The following MYO16 variants were observed in gnomAD, a reference collection of about 807,000 sequenced individuals.
MYO16 encodes unconventional myosin-XVI.
MYO16 carries 94 observed loss-of-function variants against 205.3 expected under a neutral mutation model. The observed-to-expected ratio is 0.46, with a 90% confidence interval of 0.39 to 0.54. The LOEUF is 0.54. MYO16 is among the 20% of genes least tolerant of loss of function. MYO16 has a pLI of 0.00. For synonymous variants in MYO16, 988 were observed against 954.0 expected (o/e 1.04, Z -0.66); for missense variants, 2,315 against 2,387.5 (o/e 0.97, Z 0.63).
At chr13:108,750,191 A>G (rs1317993192) in intron 4 of MYO16, among the ~76,000 whole-genome samples, 2 of 152,250 alleles carry the variant, frequency 1.3e-5, no homozygotes, top group Non-Finnish European at 2.9e-5. Flanking sequence ...CAGCGGATAC[A>G]TGACACCCTG....
chr13:108,500,228 TTTTGTTTTTTTTG>T, the MYO16 span, among the ~76,000 whole-genome samples: 3,882 of 9,838 alleles, frequency 0.39, 1,373 homozygotes, highest in Non-Finnish European at 0.56. Flanking sequence ...TTTGTTTTTT[TTTTGTTTTTTTTG>T]TTTTTTTTTT....
chr13:108,662,884 C>A (rs765173207), intron 1 of MYO16, among the ~76,000 whole-genome samples: 15 of 152,104 alleles, frequency 9.9e-5, no homozygotes, highest in Non-Finnish European at 1.9e-4. Context: ...TGGTGCCAGG[C>A]AGGAATGGGC....
chr13:109,203,548 G>A (rs1299181947), intron 34 of MYO16, among the ~76,000 whole-genome samples: 1 of 151,898 alleles, frequency 6.6e-6, no homozygotes, highest in Non-Finnish European at 1.5e-5. Context: ...TGGAGAACCA[G>A]TCTACCCCTG....
chr13:108,598,374 T>G (rs752010392), intron 1 of MYO16, among the ~76,000 whole-genome samples: 1 of 152,134 alleles, frequency 6.6e-6, no homozygotes, highest in Non-Finnish European at 1.5e-5. Context: ...AATACAGAAA[T>G]AATAAAATTC....
At chr13:108,787,856 C>G (rs982749742) in intron 5 of MYO16, among the ~76,000 whole-genome samples, 8 of 152,344 alleles carry the variant, frequency 5.3e-5, no homozygotes, top group Admixed American at 3.3e-4. Flanking sequence ...GCCCTTCCCT[C>G]AGCTCATTCA....
At chr13:108,613,892 A>C (rs1879259328) in intron 1 of MYO16, among the ~76,000 whole-genome samples, 1 of 152,116 alleles carries the variant, frequency 6.6e-6, no homozygotes, top group African/African-American at 2.4e-5. Flanking sequence ...TCCTGAACCT[A>C]ATAGAAGTTT....
At chr13:108,689,162 A>G (rs1300565342) in intron 2 of MYO16, among the ~76,000 whole-genome samples, 1 of 152,138 alleles carries the variant, frequency 6.6e-6, no homozygotes, top group Non-Finnish European at 1.5e-5. Context: ...TGATATGACA[A>G]CAATTTGCTT....
intron 34 of MYO16, among the ~76,000 whole-genome samples, chr13:109,190,619 C>T (rs958856329): frequency 6.6e-6 from 1 of 152,118 alleles, no homozygotes; most frequent in African/African-American, 2.4e-5. Context: ...TAAATTTAAT[C>T]CCATGTTAAA....
intron 16 of MYO16, among the ~76,000 whole-genome samples, chr13:108,937,780 CTTGA>C: frequency 6.6e-6 from 1 of 152,118 alleles, no homozygotes; most frequent in East Asian, 1.9e-4. Context: ...CTTTCATTTC[CTTGA>C]TTGTTTTGGA....
chr13:108,738,096 A>G (rs1884769310), intron 4 of MYO16, among the ~76,000 whole-genome samples: 1 of 152,118 alleles, frequency 6.6e-6, no homozygotes, highest in Non-Finnish European at 1.5e-5. Context: ...TCCTGGATTC[A>G]TTGATATTTT....
intron 23 of MYO16, among the ~76,000 whole-genome samples, chr13:109,022,416 A>G (rs1232490248): frequency 2.4e-5 from 3 of 124,986 alleles, no homozygotes; most frequent in South Asian, 2.6e-4. Flanking sequence ...TATATATTGT[A>G]TATACAAATA....
At chr13:109,181,417 G>A (rs1020785326) in intron 34 of MYO16, among the ~76,000 whole-genome samples, 2 of 152,188 alleles carry the variant, frequency 1.3e-5, no homozygotes, top group Non-Finnish European at 2.9e-5. Context: ...CAAGAAGTAT[G>A]GACACATGCA....
chr13:109,002,899 T>A (rs1186583976), intron 21 of MYO16, among the ~76,000 whole-genome samples: 8 of 152,154 alleles, frequency 5.3e-5, no homozygotes, highest in Non-Finnish European at 1.2e-4. Context: ...TGGGGTACAT[T>A]TTTTTAAAGT....
the MYO16 span, among the ~76,000 whole-genome samples, chr13:108,555,737 C>A: frequency 0.044 from 6,669 of 152,194 alleles, 437 homozygotes; most frequent in African/African-American, 0.15. Flanking sequence ...GACATCCTCC[C>A]AACTCCCTCC....
chr13:109,091,052 T>C (rs1888605605), intron 27 of MYO16, among the ~76,000 whole-genome samples: 1 of 152,178 alleles, frequency 6.6e-6, no homozygotes, highest in African/African-American at 2.4e-5. Context: ...CCAAATAGCT[T>C]GAAAATCACC....
intron 12 of MYO16, among the ~76,000 whole-genome samples, chr13:108,866,640 C>T (rs1461056693): frequency 6.6e-6 from 1 of 152,136 alleles, no homozygotes; most frequent in African/African-American, 2.4e-5. Context: ...GGTAATATTG[C>T]ATGTTTACGT....
chr13:108,523,408 C>T, the MYO16 span, among the ~76,000 whole-genome samples: 804 of 152,286 alleles, frequency 5.3e-3, 12 homozygotes, highest in African/African-American at 0.019. Flanking sequence ...GTGCCCTGGC[C>T]GGCAGTCTCC....
intron 15 of MYO16, among the ~76,000 whole-genome samples, chr13:108,900,538 G>T (rs537571274): frequency 6.6e-6 from 1 of 152,098 alleles, no homozygotes; most frequent in Non-Finnish European, 1.5e-5. Context: ...AATTTCTTAC[G>T]CCTGTCTTTA....
intron 5 of MYO16, among the ~76,000 whole-genome samples, chr13:108,789,020 T>C (rs1166427543): frequency 6.6e-6 from 1 of 152,218 alleles, no homozygotes; most frequent in Non-Finnish European, 1.5e-5. Flanking sequence ...TTGCTTGTGT[T>C]GTTACCACTT....
Sources: gnomAD v4.1 joint callset for allele counts (sites outside exome capture counted in the v4.1 genomes callset) on GRCh38, gnomAD v4.1.1 for gene constraint, MANE v1.5 for transcripts, NCBI Gene and HGNC (gene_info 2026-07-23, HGNC 2026-07-21) for gene names.